The following TFEC variants were observed in gnomAD, a reference collection of about 807,000 sequenced individuals.
TFEC encodes the protein transcription factor EC.
Under a neutral mutation model 41.6 loss-of-function variants are expected in TFEC, and 31 were observed. The observed-to-expected ratio is 0.74, with a 90% CI of 0.56 to 1.01. TFEC has a LOEUF of 1.01. Ranked by LOEUF, TFEC falls within the 50% of genes least tolerant of loss-of-function variation. TFEC has a pLI of 0.00. For missense variants in TFEC, 402 were observed against 404.1 expected (o/e 0.99, Z 0.04); for synonymous variants, 143 against 140.6 (o/e 1.02, Z -0.12).
chr7:116,153,059 T>G (rs182474678), intron 1 of TFEC, among the ~76,000 whole-genome samples: 2 of 152,196 alleles, frequency 1.3e-5, no homozygotes, highest in East Asian at 1.9e-4. Flanking sequence ...AAAACCTAAA[T>G]CTAAGTTATA....
chr7:116,121,501 T>C (rs1331497456), intron 1 of TFEC: 3 of 152,028 alleles, frequency 2.0e-5, no homozygotes, highest in East Asian at 1.9e-4. Flanking sequence ...GTTGACATCA[T>C]TGTGAATGTA....
At chr7:116,034,799 G>C (rs1795872299), upstream of TFEC, among the ~76,000 whole-genome samples, 1 of 151,868 alleles carries the variant, frequency 6.6e-6, no homozygotes, top group Non-Finnish European at 1.5e-5. Context: ...CTCATACTCA[G>C]AGGAAGAACT....
At chr7:116,008,098 G>T (rs373162768) in intron 1 of TFEC, among the ~76,000 whole-genome samples, 2 of 152,124 alleles carry the variant, frequency 1.3e-5, no homozygotes, top group Non-Finnish European at 2.9e-5. Flanking sequence ...AGATAAATCC[G>T]CTTCTTGGGT....
At chr7:115,957,596 A>G (rs899675530) in intron 3 of TFEC, among the ~76,000 whole-genome samples, 3 of 151,878 alleles carry the variant, frequency 2.0e-5, no homozygotes, top group Non-Finnish European at 1.5e-5. Context: ...ATTTCAGGTT[A>G]ATACTCATTA....
chr7:116,084,979 G>A (rs902111874), intron 3 of TFEC, among the ~76,000 whole-genome samples: 2 of 151,810 alleles, frequency 1.3e-5, no homozygotes, highest in Non-Finnish European at 2.9e-5. Flanking sequence ...GATGTCAGAA[G>A]ACCAACATAT....
At chr7:115,949,995 C>T (rs116539983) in intron 6 of TFEC, among the ~76,000 whole-genome samples, 9 of 148,392 alleles carry the variant, frequency 6.1e-5, no homozygotes, top group African/African-American at 2.2e-4. Flanking sequence ...ATTATTAATG[C>T]TACAGATTCC....
At chr7:116,147,165 A>G (rs913883596) in intron 1 of TFEC, among the ~76,000 whole-genome samples, 2 of 152,216 alleles carry the variant, frequency 1.3e-5, no homozygotes, top group African/African-American at 4.8e-5. Flanking sequence ...ATGAGAAAAA[A>G]GATGTAGAAG....
intron 3 of TFEC, among the ~76,000 whole-genome samples, chr7:115,964,434 A>G (rs1198219741): frequency 6.6e-6 from 1 of 151,518 alleles, no homozygotes; most frequent in Non-Finnish European, 1.5e-5. Context: ...GAGGAGGAAA[A>G]ACTATAGGCC....
chr7:116,133,265 T>G (rs1798369802), intron 1 of TFEC, among the ~76,000 whole-genome samples: 1 of 149,636 alleles, frequency 6.7e-6, no homozygotes, highest in African/African-American at 2.5e-5. Context: ...ATTAGAAAAG[T>G]CTGGCCAGGC....
chr7:115,991,342 A>G (rs1794102668), intron 1 of TFEC, among the ~76,000 whole-genome samples: 1 of 152,218 alleles, frequency 6.6e-6, no homozygotes, highest in South Asian at 2.1e-4. Context: ...ACCAGCTAAC[A>G]TCATAATGAC....
intron 1 of TFEC, among the ~76,000 whole-genome samples, chr7:115,994,862 A>T (rs1483465553): frequency 6.6e-6 from 1 of 152,186 alleles, no homozygotes; most frequent in African/African-American, 2.4e-5. Context: ...TACCCAAAGG[A>T]TTATAAATCA....
At chr7:115,965,034 T>G (rs1792773732) in intron 3 of TFEC, among the ~76,000 whole-genome samples, 1 of 151,626 alleles carries the variant, frequency 6.6e-6, no homozygotes, top group African/African-American at 2.4e-5. Flanking sequence ...GAAATGACAG[T>G]AACAATTTCA....
At chr7:116,099,396 A>G (rs1037226280) in intron 3 of TFEC, among the ~76,000 whole-genome samples, 82 of 152,180 alleles carry the variant, frequency 5.4e-4, no homozygotes, top group Non-Finnish European at 2.8e-4. Context: ...AGGGTACCCA[A>G]TGAATCACAC....
intron 1 of TFEC, among the ~76,000 whole-genome samples, chr7:115,985,150 G>A (rs1300351411): frequency 6.6e-6 from 1 of 151,906 alleles, no homozygotes; most frequent in African/African-American, 2.4e-5. Flanking sequence ...AAGTGGTATA[G>A]TCATTATTAT....
chr7:116,121,755 G>A (rs925405615), intron 1 of TFEC, among the ~76,000 whole-genome samples: 40 of 152,018 alleles, frequency 2.6e-4, no homozygotes, highest in Non-Finnish European at 2.6e-4. Flanking sequence ...ATAAGACAGG[G>A]AAATAAGGTA....
chr7:116,016,079 A>G (rs1437462839), intron 1 of TFEC, among the ~76,000 whole-genome samples: 1 of 152,218 alleles, frequency 6.6e-6, no homozygotes. Context: ...AAAAAGTATT[A>G]CACAAGGAAA....
At chr7:116,008,737 CTTAAA>C (rs1359414860) in intron 1 of TFEC, among the ~76,000 whole-genome samples, 3 of 152,150 alleles carry the variant, frequency 2.0e-5, no homozygotes, top group Non-Finnish European at 2.9e-5. Context: ...TTGACTAAAA[CTTAAA>C]TTATACAGTC....
intron 3 of TFEC, among the ~76,000 whole-genome samples, chr7:116,064,829 C>T (rs1401652578): frequency 6.6e-6 from 1 of 152,122 alleles, no homozygotes; most frequent in African/African-American, 2.4e-5. Flanking sequence ...AAAAAAGTCT[C>T]CAGAACTGTT....
chr7:116,054,625 C>A (rs1796386487), intron 3 of TFEC, among the ~76,000 whole-genome samples: 3 of 152,062 alleles, frequency 2.0e-5, no homozygotes. Flanking sequence ...ACAGGATGCC[C>A]AGATACATTT....
Sources: gnomAD v4.1 joint callset for allele counts (sites outside exome capture counted in the v4.1 genomes callset) on GRCh38, gnomAD v4.1.1 for gene constraint, MANE v1.5 for transcripts, NCBI Gene and HGNC (gene_info 2026-07-23, HGNC 2026-07-21) for gene names.